The following ACTA2 variants were observed in gnomAD, a reference collection of about 807,000 sequenced individuals.
ACTA2 encodes actin, aortic smooth muscle.
ACTA2 carries 12 observed loss-of-function variants against 39.5 expected under a neutral mutation model. The ratio of observed to expected loss-of-function variants is 0.30; its 90% confidence interval spans 0.19 to 0.49. The LOEUF is 0.49. Ranked by LOEUF, ACTA2 falls within the 20% of genes least tolerant of loss-of-function variation. The probability of loss-of-function intolerance (pLI) is 0.99; values close to 1 mark genes in which losing one functional copy is unlikely to be tolerated. For missense variants in ACTA2, 236 were observed against 498.8 expected (o/e 0.47, Z 5.02); for synonymous variants, 158 against 180.6 (o/e 0.88, Z 1.00).
chr10:88,950,148 C>T (rs561209111), intron 1 of ACTA2, among the ~76,000 whole-genome samples: 1 of 152,272 alleles, frequency 6.6e-6, no homozygotes, highest in East Asian at 1.9e-4. Context: ...AGAGCTCCAG[C>T]CAGACATCAG....
intron 6 of ACTA2, chr10:88,940,059 CAG>C: frequency 3.3e-6 from 1 of 303,958 alleles, no homozygotes; most frequent in Non-Finnish European, 6.4e-6. Flanking sequence ...TATTTTATGA[CAG>C]AAAGTTTGTT....
At chr10:88,955,067 C>T (rs1453225475), upstream of ACTA2, among the ~76,000 whole-genome samples, 1 of 150,480 alleles carries the variant, frequency 6.6e-6, no homozygotes, top group South Asian at 2.1e-4. Flanking sequence ...ACAGTAGTGT[C>T]GGATAACTTG....
chr10:88,975,305 G>A (rs927834041), intron 1 of ACTA2, among the ~76,000 whole-genome samples: 3 of 152,212 alleles, frequency 2.0e-5, no homozygotes, highest in South Asian at 2.1e-4. Context: ...GGAAGAAACC[G>A]TGTACAGAGC....
intron 1 of ACTA2, among the ~76,000 whole-genome samples, chr10:88,981,455 C>T (rs915033388): frequency 1.3e-5 from 2 of 151,830 alleles, no homozygotes; most frequent in South Asian, 2.1e-4. Flanking sequence ...ACTATATTCA[C>T]ACCAGGAAAA....
At chr10:88,935,898 G>A (rs1298434393) in intron 8 of ACTA2, among the ~76,000 whole-genome samples, 2 of 152,172 alleles carry the variant, frequency 1.3e-5, no homozygotes, top group African/African-American at 2.4e-5. Context: ...CTTGCAATAG[G>A]TGCCTCTTAA....
chr10:88,941,759 G>C, intron 5 of ACTA2, 26 bp downstream of exon 5: 1 of 1,599,142 alleles, frequency 6.3e-7, no homozygotes, highest in Non-Finnish European at 8.5e-7. Flanking sequence ...GCTCCAACCA[G>C]CTTGCTGTCC....
At chr10:88,959,221 A>G (rs1846188396) in intron 1 of ACTA2, among the ~76,000 whole-genome samples, 1 of 152,196 alleles carries the variant, frequency 6.6e-6, no homozygotes, top group Non-Finnish European at 1.5e-5. Flanking sequence ...TGACTTCCAT[A>G]TTGGACAGCA....
Position 88,941,140 on chromosome 10 carries a change from C to T in ACTA2, c.616+89G>A, listed in dbSNP as rs1168917071. 1.9e-6 allele frequency: 3 copies of T among 1,551,338 alleles called. No homozygotes were observed. In the East Asian group the frequency reaches 6.8e-5, roughly 35 times the overall value. Reference sequence around the variant, plus strand: ...GCCTTGCCATTTGCAAAACTTCATCCCATCATCTCCTTGGATAGTGAGGAT... The same window carrying T: ...GCCTTGCCATTTGCAAAACTTCATCTCATCATCTCCTTGGATAGTGAGGAT... On this transcript the variant is annotated intron_variant, in intron 6 of 8. Transcript: ENST00000224784.
intron 1 of ACTA2, among the ~76,000 whole-genome samples, chr10:88,986,953 C>G (rs1025034659): frequency 6.6e-6 from 1 of 152,124 alleles, no homozygotes; most frequent in African/African-American, 2.4e-5. Flanking sequence ...TATGTCATTT[C>G]TTTAATCCTG....
At chr10:88,948,978 C>G (rs777610076) in intron 1 of ACTA2, 25 bp from the exon 2 acceptor site, 2 of 1,611,918 alleles carry the variant, frequency 1.2e-6, no homozygotes, top group South Asian at 1.1e-5. Flanking sequence ...GAGGAAGCAG[C>G]CTCAGCTGTA....
intron 8 of ACTA2, 138 bp from the exon 9 acceptor site, chr10:88,935,504 A>G: frequency 1.1e-6 from 1 of 944,980 alleles, no homozygotes; most frequent in Non-Finnish European, 1.7e-6. Context: ...GTTAGATGCC[A>G]ATTGTGTCCT....
rs1418054423 is a variant in ACTA2, at chr10:88,949,798, A to G, written c.-23-845T>C. Among the ~76,000 whole-genome samples the G allele has an allele frequency of 2.6e-5, 4 of 152,212 alleles. No homozygotes were observed. The East Asian group carries it at 7.7e-4, about 29-fold the overall frequency. The stretch of plus-strand genomic sequence containing the variant: ...AATGTATTTTTTATGCATTGCAAAA[A>G]GATTAATCATATTTACCAAGATGTT... On this transcript the variant is annotated intron_variant, in intron 1 of 8. Transcript: ENST00000224784.
At chr10:88,939,115 T>C (rs1025386708) in intron 7 of ACTA2, among the ~76,000 whole-genome samples, 1 of 152,138 alleles carries the variant, frequency 6.6e-6, no homozygotes, top group Non-Finnish European at 1.5e-5. Context: ...TGCAAACCTG[T>C]CTCTCCAAGA....
At chr10:88,989,377 A>T in intron 1 of ACTA2, 1 of 324,914 alleles carries the variant, frequency 3.1e-6, no homozygotes, top group Non-Finnish European at 6.2e-6. Context: ...TTCATTTTGG[A>T]ATAGTTTTAG....
intron 1 of ACTA2, among the ~76,000 whole-genome samples, chr10:88,964,468 T>G (rs937289830): frequency 1.3e-5 from 2 of 152,190 alleles, no homozygotes; most frequent in African/African-American, 4.8e-5. Flanking sequence ...AAACTAATGA[T>G]AGACAAAAGG....
At chr10:88,941,028 A>T (rs1845837402) in intron 6 of ACTA2, 2 of 644,182 alleles carry the variant, frequency 3.1e-6, no homozygotes, top group Non-Finnish European at 5.6e-6. Context: ...GGGTGTCTAT[A>T]ACTGTTCTCC....
chr10:88,947,222 A>C, intron 3 of ACTA2, 36 bp downstream of exon 3: 1 of 1,613,472 alleles, frequency 6.2e-7, no homozygotes, highest in African/African-American at 1.3e-5. Flanking sequence ...GGGATTATGC[A>C]TCCTGAGGGC....
intron 3 of ACTA2, among the ~76,000 whole-genome samples, chr10:88,946,348 T>G (rs1337699703): frequency 7.0e-6 from 1 of 142,010 alleles, no homozygotes; most frequent in Non-Finnish European, 1.5e-5. Context: ...ACTCCTGGCC[T>G]CAAGTGATCC....
chr10:88,939,973 G>A, intron 6 of ACTA2: 1 of 483,870 alleles, frequency 2.1e-6, no homozygotes, highest in South Asian at 2.1e-5. Flanking sequence ...CTAGAGAAAG[G>A]CACACAGTAG....
Sources: allele counts gnomAD v4.1 joint callset (sites outside exome capture counted in the v4.1 genomes callset), GRCh38; gene constraint gnomAD v4.1.1; transcripts MANE v1.5; gene names NCBI Gene and HGNC (gene_info 2026-07-23, HGNC 2026-07-21).